Variants in BRINP1 observed in about 807,000 individuals in gnomAD.
BRINP1 encodes BMP/retinoic acid inducible neural specific 1, also known as BMP/retinoic acid-inducible neural-specific protein 1.
BRINP1 carries 17 observed loss-of-function variants against 72.9 expected under a neutral mutation model. The ratio of observed to expected loss-of-function variants is 0.23; its 90% CI spans 0.16 to 0.35. The LOEUF (loss-of-function observed/expected upper bound fraction) is 0.35, where lower values mean the gene tolerates loss of function less well. Ranked by LOEUF, BRINP1 falls within the 10% of genes least tolerant of loss-of-function variation. The pLI is 1.00. For missense variants in BRINP1, 850 were observed against 1,001.6 expected, an observed-to-expected ratio of 0.85 and a Z score of 2.04; for synonymous variants, 418 against 378.5, an observed-to-expected ratio of 1.10 and a Z score of -1.21.
intron 1 of BRINP1, among the ~76,000 whole-genome samples, chr9:119,341,631 T>C (rs1232314957): frequency 6.6e-6 from 1 of 152,144 alleles, no homozygotes; most frequent in Non-Finnish European, 1.5e-5. Flanking sequence ...TAGGCAAAGG[T>C]AAGTGTTCTA....
chr9:119,214,228 G>C, intron 5 of BRINP1, 73 bp from the exon 6 acceptor site: 1 of 1,103,040 alleles, frequency 9.1e-7, no homozygotes, highest in South Asian at 1.4e-5. Flanking sequence ...TTCCAAAGGT[G>C]ATACATAGGA....
At chr9:119,281,799 A>G (rs1220213496) in intron 2 of BRINP1, among the ~76,000 whole-genome samples, 1 of 152,154 alleles carries the variant, frequency 6.6e-6, no homozygotes, top group East Asian at 1.9e-4. Flanking sequence ...ACAATATATC[A>G]TGGTTTTTTT....
In BRINP1 at chr9:119,286,831, C is replaced by T. The variant is rs528809536; in HGVS notation, c.218+26307G>A. Among the ~76,000 whole-genome samples, 24 of 152,272 alleles carry T rather than the reference C, an allele frequency of 1.6e-4. No individual in the cohort carries two copies. In the South Asian group the frequency reaches 5.0e-3, roughly 32 times the overall value. ...ACCCTTGTGCCTGTCATTAATTCAT[C>T]CACGATTTTGGTCAAGACGCCTATC... On this transcript the variant is annotated intron_variant, in intron 2 of 7. Transcript: ENST00000265922.
intron 1 of BRINP1, among the ~76,000 whole-genome samples, chr9:119,346,665 C>T (rs367759487): frequency 1.6e-4 from 24 of 152,078 alleles, no homozygotes; most frequent in African/African-American, 5.3e-4. Flanking sequence ...ACAATAGAAT[C>T]GCAAGATAGA....
Position 119,280,718 on chromosome 9 carries a change from T to G in BRINP1, c.219-31568A>C, listed in dbSNP as rs142852264. 8.4e-3 allele frequency among the ~76,000 whole-genome samples: 1,285 copies of G among 152,250 alleles called. 10 individuals carry two copies. The highest frequency in any genetic ancestry group is 0.02 in the Middle Eastern group (6 of 294). On this transcript the variant is annotated intron_variant, in intron 2 of 7. Transcript: ENST00000265922. Reference sequence around the variant, plus strand: ...TTGAACGTCACTGTGTATGAGACACTCGGTATACAAAGGAAAAGACATGTT... The same window carrying G: ...TTGAACGTCACTGTGTATGAGACACGCGGTATACAAAGGAAAAGACATGTT...
At chr9:119,277,321 C>T (rs771835834) in intron 2 of BRINP1, among the ~76,000 whole-genome samples, 14 of 152,146 alleles carry the variant, frequency 9.2e-5, no homozygotes, top group South Asian at 2.1e-4. Context: ...CCATGAAGGA[C>T]GCAGAGAATA....
At chr9:119,211,887 CTG>C (rs1345305531) in intron 6 of BRINP1, among the ~76,000 whole-genome samples, 4 of 152,172 alleles carry the variant, frequency 2.6e-5, no homozygotes, top group Non-Finnish European at 5.9e-5. Context: ...TCTCAGTTTT[CTG>C]TGTTTCCTCA....
chr9:119,280,471 C>G (rs1044264250), intron 2 of BRINP1, among the ~76,000 whole-genome samples: 2 of 151,422 alleles, frequency 1.3e-5, no homozygotes, highest in Admixed American at 6.6e-5. Flanking sequence ...GTCTCCATCT[C>G]CTGACCTCGT....
chr9:119,174,358 A>G (rs569756922), intron 7 of BRINP1, among the ~76,000 whole-genome samples: 16,861 of 149,050 alleles, frequency 0.11, 2,653 homozygotes, highest in African/African-American at 0.37. Context: ...CAAAAAACAC[A>G]TGAAAAAATG....
At chr9:119,224,201 A>C (rs890974705) in intron 5 of BRINP1, among the ~76,000 whole-genome samples, 1 of 152,068 alleles carries the variant, frequency 6.6e-6, no homozygotes, top group African/African-American at 2.4e-5. Flanking sequence ...TAAATGTAAA[A>C]TGACAATAAA....
chr9:119,302,806 C>T (rs969561629), intron 2 of BRINP1, among the ~76,000 whole-genome samples: 11 of 152,082 alleles, frequency 7.2e-5, no homozygotes, highest in Non-Finnish European at 1.5e-4. Flanking sequence ...CGGCTCAATG[C>T]CCTTTTTTTG....
chr9:119,184,319 C>T (rs909976118), intron 7 of BRINP1, among the ~76,000 whole-genome samples: 7 of 152,134 alleles, frequency 4.6e-5, no homozygotes, highest in African/African-American at 1.7e-4. Context: ...AGATTGTACA[C>T]CCTCGGTTGC....
chr9:119,341,464 G>A (rs1419479280), intron 1 of BRINP1, among the ~76,000 whole-genome samples: 1 of 152,172 alleles, frequency 6.6e-6, no homozygotes, highest in African/African-American at 2.4e-5. Context: ...TTAGGATGGT[G>A]TGTAAAGGAT....
At chr9:119,201,372 G>A (rs1055298960) in intron 7 of BRINP1, among the ~76,000 whole-genome samples, 3 of 152,144 alleles carry the variant, frequency 2.0e-5, no homozygotes, top group Non-Finnish European at 4.4e-5. Flanking sequence ...TAAATGTTAT[G>A]TCTCTTAGAG....
chr9:119,281,693 T>C (rs1349326829), intron 2 of BRINP1, among the ~76,000 whole-genome samples: 2 of 152,124 alleles, frequency 1.3e-5, no homozygotes, highest in African/African-American at 4.8e-5. Context: ...AATATAAATC[T>C]AGCATTTATG....
At chr9:119,278,098 G>T (rs1830673912) in intron 2 of BRINP1, among the ~76,000 whole-genome samples, 2 of 151,968 alleles carry the variant, frequency 1.3e-5, no homozygotes, top group East Asian at 1.9e-4. Flanking sequence ...TTTCTTTCCA[G>T]CACTTGGATG....
intron 1 of BRINP1, among the ~76,000 whole-genome samples, chr9:119,340,416 A>C (rs1267252472): frequency 6.6e-6 from 1 of 152,054 alleles, no homozygotes; most frequent in Non-Finnish European, 1.5e-5. Context: ...TCTGAGGGAA[A>C]AAAAAAAGGC....
intron 4 of BRINP1, among the ~76,000 whole-genome samples, chr9:119,239,406 C>T (rs1830224671): frequency 6.6e-6 from 1 of 152,174 alleles, no homozygotes; most frequent in Admixed American, 6.5e-5. Flanking sequence ...ATGTGCATTT[C>T]CAAAACATTG....
intron 6 of BRINP1, among the ~76,000 whole-genome samples, chr9:119,211,235 T>G (rs576408119): frequency 2.8e-4 from 43 of 152,210 alleles, no homozygotes; most frequent in African/African-American, 1.0e-3. Context: ...TCCACTCTTA[T>G]TGCCCAGGCT....
Sources: allele counts gnomAD v4.1 joint callset (sites outside exome capture counted in the v4.1 genomes callset), GRCh38; gene constraint gnomAD v4.1.1; transcripts MANE v1.5; gene names NCBI Gene and HGNC (gene_info 2026-07-23, HGNC 2026-07-21).